The following LIMS2 variants were observed in gnomAD, a reference collection of about 807,000 sequenced individuals.
The protein encoded by LIMS2 is LIM zinc finger domain containing 2.
LIMS2 carries 30 observed loss-of-function variants against 45.3 expected under a neutral mutation model. The observed-to-expected ratio is 0.66, with a 90% CI of 0.50 to 0.90. The LOEUF (loss-of-function observed/expected upper bound fraction) is 0.90, where lower values mean the gene tolerates loss of function less well. Ranked by LOEUF, LIMS2 falls within the 40% of genes least tolerant of loss-of-function variation. The pLI, the probability that LIMS2 is intolerant of heterozygous loss-of-function variation, is 0.00. For synonymous variants in LIMS2, 173 were observed against 188.0 expected (o/e 0.92, Z 0.65); for missense variants, 485 against 468.7 (o/e 1.03, Z -0.32).
chr2:127,642,024 C>T lies in LIMS2; in HGVS notation c.660+25G>A. On this transcript the variant is annotated intron_variant, in intron 6 of 9. Transcript: ENST00000355119. The surrounding 1 kb of genome is among the most constrained non-coding windows in gnomAD (Gnocchi z 5.3). ...AGCTGGGGCACCCCCCAACCTGAGGCCACGTGTCCACCAGCCTGGCTCACC... is the reference window on the plus strand; with the variant it reads ...AGCTGGGGCACCCCCCAACCTGAGGTCACGTGTCCACCAGCCTGGCTCACC... 6.2e-7 allele frequency: 1 copy of T among 1,607,304 alleles called. No homozygotes were observed. The highest frequency in any genetic ancestry group is 1.1e-5 in the South Asian group (1 of 89,826).
chr2:127,654,397 C>T (rs1384153569), intron 4 of LIMS2, 27 bp downstream of exon 4: 2 of 1,613,628 alleles, frequency 1.2e-6, no homozygotes, highest in Non-Finnish European at 8.5e-7. Flanking sequence ...TGGCCCAGTC[C>T]TCTCTGGCCC....
chr2:127,643,195 GC>G, intron 4 of LIMS2, 123 bp from the exon 5 acceptor site: 1 of 1,104,800 alleles, frequency 9.1e-7, no homozygotes, highest in Non-Finnish European at 1.3e-6. Flanking sequence ...AAGGGGCTCA[GC>G]CCAGGGTATG....
chr2:127,640,257 C>T lies in LIMS2; in HGVS notation c.802+13G>A. ...AGAGCAGGTGGGGTGGGGGAGGGAA[C>T]ACAGGGCCTCACCATCGCCTTCAAT... On this transcript the variant is annotated intron_variant, in intron 8 of 9. Transcript: ENST00000355119. 1.1e-5 allele frequency: 17 copies of T among 1,613,250 alleles called. No individual in the cohort carries two copies. Among genetic ancestry groups the T allele is most frequent in the Non-Finnish European group, 1.4e-5 (16 of 1,179,950 alleles).
chr2:127,652,049 A>G, intron 4 of LIMS2: 1 of 414,970 alleles, frequency 2.4e-6, no homozygotes, highest in Non-Finnish European at 4.5e-6. Context: ...TGAACAATGG[A>G]GGCCTTTCTT....
intron 1 of LIMS2, among the ~76,000 whole-genome samples, chr2:127,662,274 A>G (rs1684720026): frequency 6.6e-6 from 1 of 152,150 alleles, no homozygotes; most frequent in Non-Finnish European, 1.5e-5. Context: ...TCCTGCAAGC[A>G]CAGCCCATGC....
Position 127,642,038 on chromosome 2 carries a change from G to T in LIMS2, c.660+11C>A. 1 of 1,610,292 alleles carries T rather than the reference G, an allele frequency of 6.2e-7. No homozygotes were observed. ...CCAACCTGAGGCCACGTGTCCACCA[G>T]CCTGGCTCACCTCCACGTGCCACTG... On this transcript the variant is annotated intron_variant, in intron 6 of 9. Coordinates refer to ENST00000355119, the MANE Select transcript of LIMS2 (RefSeq NM_001161403.3). The surrounding 1 kb of genome is among the most constrained non-coding windows in gnomAD (Gnocchi z 5.3).
At chr2:127,641,931 G>T (rs2244754) in intron 6 of LIMS2, 118 bp downstream of exon 6, 2 of 1,247,078 alleles carry the variant, frequency 1.6e-6, no homozygotes, top group East Asian at 2.8e-5. Context: ...GAAGGGCCTC[G>T]TTGGGAGCCA....
intron 4 of LIMS2, chr2:127,646,018 GGCA>G (rs751504332): frequency 9.1e-5 from 14 of 153,462 alleles, no homozygotes; most frequent in Middle Eastern, 3.0e-3. Context: ...ACGCTCCGGT[GGCA>G]GCAGCAGCAG....
chr2:127,644,502 C>A (rs1416633347), intron 4 of LIMS2, among the ~76,000 whole-genome samples: 1 of 152,216 alleles, frequency 6.6e-6, no homozygotes, highest in South Asian at 2.1e-4. Flanking sequence ...GGCTGAGCTG[C>A]CCCACCTGGC....
rs763474604 is a variant in LIMS2 at position 127,651,411 on chromosome 2, G to C, written c.359+3013C>G. On this transcript the variant is annotated intron_variant, in intron 4 of 9. Coordinates refer to ENST00000355119, the MANE Select transcript of LIMS2 (RefSeq NM_001161403.3). ...CAGCCTGCGGCAGGGCCTGCGTGTG[G>C]AGAAGCGCCTCAAGACCAAGGCAGT... The C allele has an allele frequency of 3.1e-6, 5 of 1,612,760 alleles. No individual in the cohort carries two copies. The African/African-American group carries it at 5.3e-5, about 17-fold the overall frequency.
intron 4 of LIMS2, chr2:127,651,174 T>C (rs371140199): frequency 6.2e-7 from 1 of 1,612,314 alleles, no homozygotes; most frequent in Non-Finnish European, 8.5e-7. Flanking sequence ...CAGGCCCCTC[T>C]ACGCACACCT....
chr2:127,670,625 A>C lies in LIMS2; in HGVS notation c.11+4389T>G, dbSNP rs190985768. ...AATCTAAAGTGGTGAATTTAATAAT[A>C]TGTGAACTATGTCTCAGATTTTAAA... On this transcript the variant is annotated intron_variant, in intron 1 of 9. Transcript: ENST00000355119. Among the ~76,000 whole-genome samples, 36 of 152,386 alleles carry C rather than the reference A, an allele frequency of 2.4e-4. No individual in the cohort carries two copies. In the East Asian group the frequency reaches 6.9e-3, roughly 29 times the overall value.
intron 4 of LIMS2, chr2:127,644,077 G>A (rs151002420): frequency 8.8e-6 from 4 of 456,542 alleles, no homozygotes; most frequent in African/African-American, 6.0e-5. Context: ...ACCTGCTACT[G>A]CTGGGTGTCT....
At position 127,654,445 on chromosome 2, in the gene LIMS2, C is replaced by T; in HGVS notation, c.338G>A (p.Gly113Asp). 6 of 1,614,128 alleles carry T rather than the reference C, an allele frequency of 3.7e-6. No homozygotes were observed. Among genetic ancestry groups the T allele is most frequent in the Non-Finnish European group, 4.2e-6 (5 of 1,179,988 alleles). The change falls in exon 4 of 10, where the codon GGC becomes GAC. Residue 113 changes from glycine to aspartate, a missense_variant. By Grantham distance (94) the Gly-to-Asp change is moderately conservative (BLOSUM62 -1). Transcript: ENST00000355119. ...ELCDVELADL[G>D]FVKNAGRHLC... is the part of the protein sequence containing the mutation. ...TCACCTGCCGGCATTCTTCACAAAG[C>T]CCAGGTCAGCCAGCTCCACATCACA...
chr2:127,642,498 A>G lies in LIMS2; in HGVS notation c.510-299T>C. On this transcript the variant is annotated intron_variant, in intron 5 of 9. Coordinates refer to ENST00000355119, the MANE Select transcript of LIMS2 (RefSeq NM_001161403.3). The surrounding 1 kb of genome is among the most constrained non-coding windows in gnomAD (Gnocchi z 5.3). Reference sequence around the variant, plus strand: ...TCCAAACCAGAGGGGGTGTCTGGATAGGCACGGAGAGGACTGGAGGGGACG... The same window carrying G: ...TCCAAACCAGAGGGGGTGTCTGGATGGGCACGGAGAGGACTGGAGGGGACG... The G allele has an allele frequency of 3.7e-6, 1 of 270,720 alleles. No homozygotes were observed. The highest frequency in any genetic ancestry group is 7.0e-6 in the Non-Finnish European group (1 of 142,570). The allele number at this position is 270,720 out of a possible 1,614,324, so 16.8% of individuals were successfully genotyped here. A position where few individuals can be genotyped will look rare whatever the true frequency, so the allele number is the denominator to read the frequency against.
intron 1 of LIMS2, among the ~76,000 whole-genome samples, chr2:127,662,964 G>A (rs748845969): frequency 5.3e-5 from 8 of 152,098 alleles, no homozygotes; most frequent in Non-Finnish European, 1.2e-4. Flanking sequence ...TTTTAAGCAG[G>A]TACAACTGAA....
intron 7 of LIMS2, 46 bp from the exon 8 acceptor site, chr2:127,640,364 C>G: frequency 1.3e-6 from 2 of 1,597,966 alleles, no homozygotes; most frequent in South Asian, 2.2e-5. Flanking sequence ...CAGTCACACC[C>G]CAGCCCAGGG....
chr2:127,639,355 T>G lies in LIMS2; in HGVS notation c.952A>C (p.Lys318Gln). The G allele has an allele frequency of 6.2e-7, 1 of 1,613,970 alleles. No homozygotes were observed. Among genetic ancestry groups the G allele is most frequent in the Non-Finnish European group, 8.5e-7 (1 of 1,179,934 alleles). ...AGCTCCGACAGCTTCTTCAGCCGCT[T>G]CTTCAGCTCCAGCGGGAACTTCTCG... ...CYEKFPLELK[K>Q]RLKKLSELTS... The change falls in exon 10 of 10, where the codon AAG (lysine) becomes CAG (glutamine). Residue 318 changes from lysine to glutamine, a missense_variant. Transcript: ENST00000355119.
At chr2:127,673,991 G>A (rs1026749828) in intron 1 of LIMS2, 1 of 507,358 alleles carries the variant, frequency 2.0e-6, no homozygotes, top group Non-Finnish European at 3.6e-6. Flanking sequence ...GTGTCTGGAG[G>A]GCAGGACTTA....
Sources: allele counts gnomAD v4.1 joint callset (sites outside exome capture counted in the v4.1 genomes callset), GRCh38; gene constraint gnomAD v4.1.1; non-coding constraint Gnocchi (gnomAD v3.1); transcripts MANE v1.5; gene names NCBI Gene and HGNC (gene_info 2026-07-23, HGNC 2026-07-21).